The following INTU variants were observed in gnomAD, a reference collection of about 807,000 sequenced individuals.
INTU encodes the protein protein inturned.
A neutral mutation model predicts 100.5 loss-of-function variants in INTU; 68 were observed. That is an observed-to-expected ratio of 0.68 (90% CI 0.56 to 0.83). The LOEUF (loss-of-function observed/expected upper bound fraction) is 0.83, where lower values mean the gene tolerates loss of function less well. Among genes scored for constraint, INTU ranks in the 40% least tolerant of loss-of-function variants. The pLI is 0.00. For missense variants in INTU, 1,071 were observed against 1,114.7 expected (o/e 0.96, Z 0.56); for synonymous variants, 357 against 395.7 (o/e 0.90, Z 1.16).
At chr4:127,666,456 G>T (rs1374686605) in intron 4 of INTU, among the ~76,000 whole-genome samples, 10 of 152,136 alleles carry the variant, frequency 6.6e-5, no homozygotes, top group Non-Finnish European at 1.3e-4. Flanking sequence ...ACTGACCTAG[G>T]ATATTTCAGC....
intron 3 of INTU, among the ~76,000 whole-genome samples, chr4:127,659,633 T>C (rs757750678): frequency 9.9e-5 from 15 of 152,240 alleles, no homozygotes; most frequent in African/African-American, 7.2e-5. Flanking sequence ...TACATAATCA[T>C]GCTTGTAGTA....
intron 3 of INTU, 51 bp downstream of exon 3, chr4:127,656,772 T>A (rs765060570): frequency 1.7e-6 from 2 of 1,171,890 alleles, no homozygotes; most frequent in Non-Finnish European, 2.5e-6. Flanking sequence ...AATAAATATA[T>A]AAATATATCG....
intron 9 of INTU, 121 bp from the exon 10 acceptor site, chr4:127,704,104 AGAT>A: frequency 1.4e-6 from 1 of 699,686 alleles, no homozygotes; most frequent in Non-Finnish European, 2.4e-6. Flanking sequence ...TGATTTCTAA[AGAT>A]GGCACTATGA....
At chr4:127,687,991 G>C in intron 8 of INTU, 124 bp downstream of exon 8, 2 of 611,094 alleles carry the variant, frequency 3.3e-6, no homozygotes, top group Non-Finnish European at 2.5e-6. Flanking sequence ...AGAGGCAATT[G>C]GTTGACAAAG....
chr4:127,716,506 A>G lies in INTU; in HGVS notation c.*70A>G. On this transcript the variant is annotated 3_prime_UTR_variant, in exon 16 of 16. Transcript: ENST00000335251. ...CACTGTCAGAATTGCTGAAATCAAT[A>G]CACAAAGAGATAAAGTTTAGCTTCT... 1.7e-6 allele frequency: 1 copy of G among 602,480 alleles called. No homozygotes were observed. The highest frequency in any genetic ancestry group is 3.3e-5 in the South Asian group (1 of 30,240). 37.3% of individuals were successfully genotyped at this position (602,480 alleles called of 1,614,324 possible).
chr4:127,644,688 G>T (rs887519571), intron 2 of INTU, among the ~76,000 whole-genome samples: 2 of 152,180 alleles, frequency 1.3e-5, no homozygotes, highest in African/African-American at 2.4e-5. Flanking sequence ...TAAGCTGTTA[G>T]ATACAATGTT....
chr4:127,674,187 G>T lies in INTU; in HGVS notation c.1155G>T (p.Leu385Phe). The change falls in exon 6 of 16, where the codon TTG (leucine) becomes TTT (phenylalanine). Residue 385 changes from leucine to phenylalanine, a missense_variant. Coordinates refer to ENST00000335251, the MANE Select transcript of INTU (RefSeq NM_015693.4). Reference sequence around the variant, plus strand: ...CTTATTGGAAAGAATCTGACAAGTTGTTGCTAATTGGCCTGCCTGCTGAAG... The same window carrying T: ...CTTATTGGAAAGAATCTGACAAGTTTTTGCTAATTGGCCTGCCTGCTGAAG... ...HVAYWKESDK[L>F]LLIGLPAEEV... The T allele has an allele frequency of 1.2e-6, 2 of 1,611,826 alleles. No homozygotes were observed. The highest frequency in any genetic ancestry group is 1.7e-6 in the Non-Finnish European group (2 of 1,178,988).
rs773109775 is a variant in INTU at position 127,669,161 on chromosome 4, A to C, written c.1091+7A>C. On this transcript the variant is annotated splice_region_variant and intron_variant, in intron 5 of 15. Transcript: ENST00000335251. ...CTGGGACACAAGTTACTAGGTAATA[A>C]TTTTTATTTAGCTTTAATTCTGTTT... The C allele has an allele frequency of 3.1e-6, 4 of 1,297,356 alleles. No individual in the cohort carries two copies. The South Asian group carries it at 5.4e-5, about 17-fold the overall frequency. 80.4% of individuals were successfully genotyped at this position (1,297,356 alleles called of 1,614,324 possible).
At position 127,719,646 on chromosome 4, in the gene INTU, G is replaced by A. The variant is rs1731316954; in HGVS notation, c.*3210G>A. ...TTTGGTTGGTAGCCTATTAATTACT[G>A]CCTCAATTTCAGAACTTGTTATTGG... is the stretch of plus-strand genomic sequence containing the variant. On this transcript the variant is annotated 3_prime_UTR_variant, in exon 16 of 16. Transcript: ENST00000335251. The A allele has an allele frequency of 1.3e-5, 2 of 152,064 alleles. No individual in the cohort carries two copies. 9.4% of individuals were successfully genotyped at this position (152,064 alleles called of 1,614,324 possible).
intron 8 of INTU, among the ~76,000 whole-genome samples, chr4:127,688,345 A>T (rs1373463836): frequency 6.6e-6 from 1 of 152,216 alleles, no homozygotes; most frequent in Admixed American, 6.5e-5. Flanking sequence ...GCATACCAAT[A>T]GTAAAACTGT....
At position 127,687,755 on chromosome 4, in the gene INTU, C is replaced by A. The variant is rs376167283; in HGVS notation, c.1337C>A (p.Ala446Glu). Residue 446 changes from alanine to glutamate, a missense_variant, in exon 8 of 16, where the codon GCG becomes GAG. By Grantham distance (107) the Ala-to-Glu change is moderately radical. Coordinates refer to ENST00000335251, the MANE Select transcript of INTU (RefSeq NM_015693.4). ...NLFFQRALQP[A>E]KLHSSASPSA... ...TTCTTTCAAAGAGCACTTCAGCCTGCGAAACTGCATTCCAGCGCCAGTCCC... is the reference window on the plus strand; with the variant it reads ...TTCTTTCAAAGAGCACTTCAGCCTGAGAAACTGCATTCCAGCGCCAGTCCC... The A allele has an allele frequency of 1.2e-6, 2 of 1,613,374 alleles. No homozygotes were observed. The highest frequency in any genetic ancestry group is 1.7e-6 in the Non-Finnish European group (2 of 1,179,560).
At position 127,713,924 on chromosome 4, in the gene INTU, A is replaced by G. The variant is rs1403767937; in HGVS notation, c.2560-12A>G. The G allele has an allele frequency of 6.4e-7, 1 of 1,574,294 alleles. No individual in the cohort carries two copies. Among genetic ancestry groups the G allele is most frequent in the South Asian group, 1.1e-5 (1 of 87,094 alleles). ...ATACCAGTTAATACTAACAATACCT[A>G]TTAATTTACAGAAAAAGAAAGGACT... On this transcript the variant is annotated splice_polypyrimidine_tract_variant and intron_variant, in intron 14 of 15. Transcript: ENST00000335251.
chr4:127,650,063 ATGCAGTGT>A (rs1727770146), intron 2 of INTU, among the ~76,000 whole-genome samples: 1 of 152,176 alleles, frequency 6.6e-6, no homozygotes, highest in Non-Finnish European at 1.5e-5. Context: ...TTTACCAAAC[ATGCAGTGT>A]ATTTTGATAT....
chr4:127,653,445 G>A (rs1728006068), intron 2 of INTU, among the ~76,000 whole-genome samples: 1 of 148,114 alleles, frequency 6.8e-6, no homozygotes, highest in African/African-American at 2.5e-5. Context: ...TGGTTTCAAA[G>A]AACATCTTTA....
At chr4:127,677,866 G>A (rs933134304) in intron 6 of INTU, among the ~76,000 whole-genome samples, 17 of 152,292 alleles carry the variant, frequency 1.1e-4, no homozygotes, top group African/African-American at 4.1e-4. Flanking sequence ...AAATTTAGAT[G>A]AATGTATAAC....
rs77019646 is a variant in INTU, at chr4:127,701,370, C to T, written c.1503+1307C>T. ...ATTATCAACCAAGTGTATGTATGTC[C>T]TTTCTTAGATCCTAATTCAAACAAA... On this transcript the variant is annotated intron_variant, in intron 9 of 15. Transcript: ENST00000335251. 4.6e-3 allele frequency among the ~76,000 whole-genome samples: 695 copies of T among 152,232 alleles called. 8 individuals carry two copies. The highest frequency in any genetic ancestry group is 0.02 in the Middle Eastern group (6 of 294).
intron 14 of INTU, among the ~76,000 whole-genome samples, chr4:127,712,289 C>T (rs1206794826): frequency 6.6e-6 from 1 of 152,034 alleles, no homozygotes; most frequent in Non-Finnish European, 1.5e-5. Flanking sequence ...TTTGAGTCCT[C>T]AGAAATTGTT....
intron 8 of INTU, among the ~76,000 whole-genome samples, chr4:127,693,982 G>A (rs941857259): frequency 6.6e-6 from 1 of 152,024 alleles, no homozygotes. Context: ...CTAGTATTTT[G>A]TTGAGGATTT....
intron 8 of INTU, among the ~76,000 whole-genome samples, chr4:127,694,637 A>G (rs1730301386): frequency 6.6e-6 from 1 of 152,138 alleles, no homozygotes; most frequent in Admixed American, 6.6e-5. Flanking sequence ...GGAATTTTAT[A>G]GTTTAGCATT....
Sources: allele counts gnomAD v4.1 joint callset (sites outside exome capture counted in the v4.1 genomes callset), GRCh38; gene constraint gnomAD v4.1.1; transcripts MANE v1.5; gene names NCBI Gene and HGNC (gene_info 2026-07-23, HGNC 2026-07-21).